The following FZD3 variants were observed in gnomAD, a reference collection of about 807,000 sequenced individuals.
FZD3 encodes frizzled-3.
A neutral mutation model predicts 60.7 loss-of-function variants in FZD3; 30 were observed. That is an observed-to-expected ratio of 0.49 (90% confidence interval 0.37 to 0.67). The LOEUF (loss-of-function observed/expected upper bound fraction) is 0.67, where lower values mean the gene tolerates loss of function less well. FZD3 is among the 30% of genes least tolerant of loss of function. FZD3 has a pLI of 0.00. For missense variants in FZD3, 605 were observed against 838.7 expected (o/e 0.72, Z 3.44); for synonymous variants, 246 against 275.2 (o/e 0.89, Z 1.05).
chr8:28,513,002 G>C (rs1211120957), intron 3 of FZD3, among the ~76,000 whole-genome samples: 1 of 151,824 alleles, frequency 6.6e-6, no homozygotes, highest in Non-Finnish European at 1.5e-5. Context: ...ATTATTTTTT[G>C]TTGAGATTAA....
intron 3 of FZD3, among the ~76,000 whole-genome samples, chr8:28,512,821 A>AT (rs891211650): frequency 1.3e-5 from 2 of 152,126 alleles, no homozygotes; most frequent in Non-Finnish European, 2.9e-5. Flanking sequence ...TGAAAGACAA[A>AT]TTTTTTTACT....
intron 5 of FZD3, among the ~76,000 whole-genome samples, chr8:28,531,489 T>C (rs4732861): frequency 0.53 from 80,835 of 151,988 alleles, 22,026 homozygotes; most frequent in South Asian, 0.63. Flanking sequence ...ATTTCTTAAA[T>C]ATGAACAAGA....
intron 3 of FZD3, among the ~76,000 whole-genome samples, chr8:28,510,496 A>G (rs1804257341): frequency 6.6e-6 from 1 of 152,174 alleles, no homozygotes. Flanking sequence ...TTAAACCAGT[A>G]TGATAGGTGG....
At chr8:28,497,262 A>G (rs944434756) in intron 1 of FZD3, among the ~76,000 whole-genome samples, 1 of 152,190 alleles carries the variant, frequency 6.6e-6, no homozygotes, top group South Asian at 2.1e-4. Flanking sequence ...TGAAGCAGGA[A>G]AGTTCAGAAA....
chr8:28,528,620 T>A (rs542566803), intron 5 of FZD3, among the ~76,000 whole-genome samples: 1 of 152,336 alleles, frequency 6.6e-6, no homozygotes, highest in Admixed American at 6.5e-5. Context: ...ATTTTGTGAT[T>A]TCTTTTTCAG....
intron 5 of FZD3, among the ~76,000 whole-genome samples, chr8:28,540,272 C>T (rs1477488706): frequency 1.3e-5 from 2 of 152,286 alleles, no homozygotes; most frequent in East Asian, 3.9e-4. Context: ...CTCTGTTACC[C>T]AGGCTGGAGT....
intron 5 of FZD3, among the ~76,000 whole-genome samples, chr8:28,538,425 A>G (rs1440378909): frequency 2.6e-5 from 4 of 152,152 alleles, no homozygotes; most frequent in Non-Finnish European, 5.9e-5. Context: ...TAATCCTCAC[A>G]TTAGCCCAGT....
At position 28,512,064 on chromosome 8, in the gene FZD3, T is replaced by C. The variant is rs930257039; in HGVS notation, c.190-8574T>C. ...TGGTTGGTGGGGATGGTGATGGTAA[T>C]TCCAGTACCAAGGTTACCACATACT... On this transcript the variant is annotated intron_variant, in intron 3 of 7. Transcript: ENST00000240093. 3.9e-5 allele frequency among the ~76,000 whole-genome samples: 6 copies of C among 152,332 alleles called. No homozygotes were observed. In the East Asian group the frequency reaches 1.2e-3, roughly 29 times the overall value.
chr8:28,547,220 C>G (rs988702941), intron 5 of FZD3, among the ~76,000 whole-genome samples: 1 of 152,142 alleles, frequency 6.6e-6, no homozygotes, highest in Non-Finnish European at 1.5e-5. Context: ...CTACCTTGCT[C>G]TTGTCATTTA....
At chr8:28,514,651 A>T (rs1224841717) in intron 3 of FZD3, among the ~76,000 whole-genome samples, 1 of 152,128 alleles carries the variant, frequency 6.6e-6, no homozygotes, top group East Asian at 1.9e-4. Flanking sequence ...CTACTTCTTT[A>T]GGTCTGGTTT....
intron 3 of FZD3, among the ~76,000 whole-genome samples, chr8:28,504,289 G>C (rs777183095): frequency 6.6e-6 from 1 of 152,180 alleles, no homozygotes; most frequent in Admixed American, 6.5e-5. Flanking sequence ...GAGTACACGA[G>C]GTCTAAGTGG....
intron 5 of FZD3, among the ~76,000 whole-genome samples, chr8:28,538,852 T>C (rs926041873): frequency 2.0e-5 from 3 of 149,026 alleles, no homozygotes; most frequent in Admixed American, 1.3e-4. Flanking sequence ...ATATATGTTA[T>C]ATATTTTATA....
At position 28,520,649 on chromosome 8, in the gene FZD3, T is replaced by C; in HGVS notation, c.201T>C (p.Pro67=). ...TAALAMEPFH[P]MVNLDCSRDF... is the part of the protein sequence containing the mutation. The stretch of plus-strand genomic sequence containing the variant: ...TAACTTTTCCCTAGCCATTCCACCC[T>C]ATGGTGAATCTGGATTGTTCTCGGG... The change falls in exon 4 of 8, where the codon CCT becomes CCC. Residue 67 remains proline, a synonymous_variant. Transcript: ENST00000240093. The C allele has an allele frequency of 6.3e-7, 1 of 1,584,896 alleles. No individual in the cohort carries two copies.
intron 3 of FZD3, among the ~76,000 whole-genome samples, chr8:28,504,611 T>G (rs1313166569): frequency 1.3e-5 from 2 of 152,214 alleles, no homozygotes; most frequent in African/African-American, 4.8e-5. Flanking sequence ...GATCTTTGTT[T>G]TCTTCATTTG....
intron 7 of FZD3, among the ~76,000 whole-genome samples, chr8:28,559,360 T>C (rs981687141): frequency 1.3e-5 from 2 of 152,204 alleles, no homozygotes; most frequent in African/African-American, 4.8e-5. Flanking sequence ...GAGAAATTGC[T>C]TATCATTCTT....
Position 28,528,025 on chromosome 8 carries a change from G to A in FZD3, c.1265G>A (p.Gly422Asp). 6.2e-7 allele frequency: 1 copy of A among 1,614,002 alleles called. No homozygotes were observed. Among genetic ancestry groups the A allele is most frequent in the Non-Finnish European group, 8.5e-7 (1 of 1,179,928 alleles). Reference protein sequence around the residue: ...DKLVKFMIRIGVFSILYLVPL... With the variant: ...DKLVKFMIRIDVFSILYLVPL... ...TTAGTGAAGTTTATGATCCGGATCG[G>A]TGTTTTCAGCATTCTTTATCTCGTA... The change falls in exon 5 of 8, where the codon GGT becomes GAT. Residue 422 changes from glycine (G) to aspartate (D), a missense_variant. Coordinates refer to ENST00000240093, the MANE Select transcript of FZD3 (RefSeq NM_017412.4).
chr8:28,560,137 T>C (rs561009397), intron 7 of FZD3, among the ~76,000 whole-genome samples: 5 of 152,178 alleles, frequency 3.3e-5, no homozygotes, highest in Non-Finnish European at 7.4e-5. Context: ...AATTCAGTTA[T>C]TTAGATTAGT....
chr8:28,531,709 G>T (rs182724824), intron 5 of FZD3, among the ~76,000 whole-genome samples: 1 of 152,120 alleles, frequency 6.6e-6, no homozygotes, highest in African/African-American at 2.4e-5. Context: ...ATGTGTTTTC[G>T]TATGTTTATT....
intron 3 of FZD3, among the ~76,000 whole-genome samples, chr8:28,508,075 T>G (rs910493150): frequency 6.6e-6 from 1 of 152,096 alleles, no homozygotes; most frequent in African/African-American, 2.4e-5. Flanking sequence ...ACTTTTTTTT[T>G]GTAGAGGCAA....
Sources: gnomAD v4.1 joint callset for allele counts (sites outside exome capture counted in the v4.1 genomes callset) on GRCh38, gnomAD v4.1.1 for gene constraint, MANE v1.5 for transcripts, NCBI Gene and HGNC (gene_info 2026-07-23, HGNC 2026-07-21) for gene names.